Variants in SCN8A observed in about 807,000 individuals in gnomAD.
SCN8A encodes the protein sodium channel protein type 8 subunit alpha.
SCN8A carries 30 observed loss-of-function variants against 184.1 expected under a neutral mutation model. The ratio of observed to expected loss-of-function variants is 0.16; its 90% CI spans 0.12 to 0.22. SCN8A has a LOEUF of 0.22. Ranked by LOEUF, SCN8A falls within the 10% of genes least tolerant of loss-of-function variation. SCN8A has a pLI of 1.00. For missense variants in SCN8A, 1,057 were observed against 2,498.9 expected (o/e 0.42, Z 12.30); for synonymous variants, 852 against 907.0 (o/e 0.94, Z 1.09).
intron 1 of SCN8A, among the ~76,000 whole-genome samples, chr12:51,616,983 A>G (rs1422530748): frequency 6.6e-6 from 1 of 151,710 alleles, no homozygotes; most frequent in Non-Finnish European, 1.5e-5. Flanking sequence ...CAGTCATTCA[A>G]ATTATTGTTT....
intron 11 of SCN8A, among the ~76,000 whole-genome samples, chr12:51,708,586 G>A (rs947832652): frequency 1.3e-5 from 2 of 152,080 alleles, no homozygotes; most frequent in Non-Finnish European, 2.9e-5. Flanking sequence ...TTTCCCACTT[G>A]CATCTCTCAC....
intron 14 of SCN8A, among the ~76,000 whole-genome samples, chr12:51,759,165 A>AG (rs1217687330): frequency 2.0e-5 from 3 of 152,058 alleles, no homozygotes; most frequent in Admixed American, 2.0e-4. Context: ...GTCAAGTAAG[A>AG]GAAATGATTG....
chr12:51,774,484 T>C, intron 20 of SCN8A, 122 bp downstream of exon 20: 2 of 909,876 alleles, frequency 2.2e-6, no homozygotes, highest in South Asian at 3.8e-5. Flanking sequence ...TAGATGTAGG[T>C]GTGGGTAAAG....
At chr12:51,701,984 C>T (rs1340615879) in intron 8 of SCN8A, among the ~76,000 whole-genome samples, 1 of 152,034 alleles carries the variant, frequency 6.6e-6, no homozygotes, top group East Asian at 1.9e-4. Flanking sequence ...TGAAATCCCC[C>T]CTTGACTTAG....
intron 12 of SCN8A, among the ~76,000 whole-genome samples, chr12:51,726,627 G>A: frequency 6.6e-6 from 1 of 152,110 alleles, no homozygotes; most frequent in East Asian, 1.9e-4. Flanking sequence ...AAGGACCTCT[G>A]TTATAGGGCT....
intron 1 of SCN8A, among the ~76,000 whole-genome samples, chr12:51,640,278 T>TA (rs1470967571): frequency 1.6e-5 from 2 of 124,556 alleles, no homozygotes; most frequent in Non-Finnish European, 3.2e-5. Context: ...CTACACTTAA[T>TA]AGACTACAGC....
intron 2 of SCN8A, among the ~76,000 whole-genome samples, chr12:51,678,498 G>A (rs919053669): frequency 1.3e-5 from 2 of 152,146 alleles, no homozygotes; most frequent in Admixed American, 6.5e-5. Context: ...TTTCTAAATC[G>A]TAGAATTACA....
Position 51,790,488 on chromosome 12 carries a change from A to G in SCN8A, c.4510A>G (p.Ile1504Val). 6.2e-7 allele frequency: 1 copy of G among 1,606,640 alleles called. No individual in the cohort carries two copies. Among genetic ancestry groups the G allele is most frequent in the East Asian group, 2.2e-5 (1 of 44,492 alleles). ...GGGCTCAAAGAAGCCACAGAAACCT[A>G]TTCCCCGCCCCTTGGTAAGTGCATT... The part of the protein sequence containing the change: ...KLGSKKPQKP[I>V]PRPLNKIQGI... Residue 1504 changes from isoleucine to valine, a missense_variant, in exon 25 of 27, where the codon ATT (isoleucine) becomes GTT (valine). Transcript: ENST00000627620.
At chr12:51,627,221 T>A (rs1039090402) in intron 1 of SCN8A, among the ~76,000 whole-genome samples, 1 of 152,188 alleles carries the variant, frequency 6.6e-6, no homozygotes, top group African/African-American at 2.4e-5. Context: ...AAAGCCTCAG[T>A]TTCCTTGTTT....
chr12:51,682,956 C>T (rs570516675), intron 2 of SCN8A, among the ~76,000 whole-genome samples: 2 of 152,270 alleles, frequency 1.3e-5, no homozygotes, highest in Admixed American at 6.5e-5. Flanking sequence ...CTTTCCATCC[C>T]TTCTCACTAA....
At position 51,747,986 on chromosome 12, in the gene SCN8A, A is replaced by G. The variant is rs139068223; in HGVS notation, c.2131+1951A>G. ...CCTAAGCCCTGATTTTCACATAGTT[A>G]TACCTGTCCTGCCATTTCCTGCTCA... On this transcript the variant is annotated intron_variant, in intron 13 of 26. Transcript: ENST00000627620. Among the ~76,000 whole-genome samples the G allele has an allele frequency of 6.0e-3, 916 of 152,296 alleles. 8 individuals carry two copies. Among genetic ancestry groups the G allele is most frequent in the African/African-American group, 0.019 (789 of 41,574 alleles).
intron 1 of SCN8A, among the ~76,000 whole-genome samples, chr12:51,620,227 G>GTTA (rs2138594785): frequency 6.6e-6 from 1 of 152,242 alleles, no homozygotes; most frequent in Admixed American, 6.5e-5. Flanking sequence ...TCATTTTAAT[G>GTTA]TTATACTAGT....
In SCN8A at chr12:51,635,342, G is replaced by T. The variant is rs193273906; in HGVS notation, c.-54-27422G>T. Among the ~76,000 whole-genome samples the T allele has an allele frequency of 6.1e-3, 924 of 152,260 alleles. 3 individuals carry two copies. The highest frequency in any genetic ancestry group is 0.011 in the Non-Finnish European group (765 of 68,020). ...TGTGTCACTGTATTGTAATTGGCTG[G>T]TAATCCATCTATCTCTGCTGGAGTT... On this transcript the variant is annotated intron_variant, in intron 1 of 26. Coordinates refer to ENST00000627620, the MANE Select transcript of SCN8A (RefSeq NM_001330260.2).
intron 21 of SCN8A, among the ~76,000 whole-genome samples, chr12:51,785,912 A>G (rs150510115): frequency 8.2e-4 from 125 of 152,362 alleles, no homozygotes; most frequent in African/African-American, 2.7e-3. Flanking sequence ...CTGGAGAAGT[A>G]TAATGAACCT....
intron 5 of SCN8A, 63 bp from the exon 6 acceptor site, chr12:51,688,942 T>G: frequency 6.3e-7 from 1 of 1,579,628 alleles, no homozygotes; most frequent in South Asian, 1.1e-5. Flanking sequence ...GTTTTTTCCT[T>G]TGGTGTTTGT....
rs1395703313 is a variant in SCN8A at position 51,769,219 on chromosome 12, T to C, written c.3256T>C (p.Phe1086Leu). ...KYIIDEDHMSFINNPNLTVRV... is the reference protein window; with the variant it reads ...KYIIDEDHMSLINNPNLTVRV... ...CATCATTGATGAGGACCACATGTCC[T>C]TCATCAACAACCCCAACTTGACTGT... The change falls in exon 17 of 27, where the codon TTC becomes CTC. Residue 1086 changes from phenylalanine (F) to leucine (L), a missense_variant. Transcript: ENST00000627620. 4 of 1,613,860 alleles carry C rather than the reference T, an allele frequency of 2.5e-6. No individual in the cohort carries two copies. The highest frequency in any genetic ancestry group is 8.5e-7 in the Non-Finnish European group (1 of 1,179,876).
intron 25 of SCN8A, among the ~76,000 whole-genome samples, chr12:51,791,684 A>C (rs1238244532): frequency 6.6e-6 from 1 of 152,140 alleles, no homozygotes; most frequent in African/African-American, 2.4e-5. Flanking sequence ...CTTCCAGCCT[A>C]GGCAACATAA....
intron 1 of SCN8A, among the ~76,000 whole-genome samples, chr12:51,659,110 T>C (rs745575945): frequency 1.2e-4 from 18 of 152,218 alleles, no homozygotes; most frequent in Non-Finnish European, 2.5e-4. Context: ...GTAGAATGGA[T>C]AAATTGTACT....
chr12:51,658,357 T>A (rs1489003360), intron 1 of SCN8A, among the ~76,000 whole-genome samples: 5 of 152,162 alleles, frequency 3.3e-5, no homozygotes, highest in African/African-American at 1.2e-4. Context: ...TAGGTCTTAC[T>A]ATTTTTTTGG....
Sources: allele counts gnomAD v4.1 joint callset (sites outside exome capture counted in the v4.1 genomes callset), GRCh38; gene constraint gnomAD v4.1.1; transcripts MANE v1.5; gene names NCBI Gene and HGNC (gene_info 2026-07-23, HGNC 2026-07-21).